Variants in TRIP4 observed in about 807,000 individuals in gnomAD.
The protein encoded by TRIP4 is thyroid hormone receptor interactor 4.
A neutral mutation model predicts 81.8 loss-of-function variants in TRIP4; 54 were observed. That is an observed-to-expected ratio of 0.66 (90% CI 0.53 to 0.83). The LOEUF (loss-of-function observed/expected upper bound fraction) is 0.83, where lower values mean the gene tolerates loss of function less well. Among genes scored for constraint, TRIP4 ranks in the 40% least tolerant of loss-of-function variants. The pLI is 0.00. For missense variants in TRIP4, 662 were observed against 683.6 expected, an observed-to-expected ratio of 0.97 and a Z score of 0.35; for synonymous variants, 270 against 242.8, an observed-to-expected ratio of 1.11 and a Z score of -1.04.
At chr15:64,427,210 A>G (rs973954817) in intron 11 of TRIP4, among the ~76,000 whole-genome samples, 5 of 152,148 alleles carry the variant, frequency 3.3e-5, no homozygotes, top group Non-Finnish European at 7.3e-5. Flanking sequence ...CTGTTCTTTG[A>G]ACAGTTGCTT....
chr15:64,397,523 T>C (rs1327863931), intron 3 of TRIP4, 83 bp from the exon 4 acceptor site: 1 of 1,366,786 alleles, frequency 7.3e-7, no homozygotes, highest in Non-Finnish European at 1.0e-6. Context: ...AAGTTGTTAC[T>C]GAACAGAACG....
chr15:64,444,972 A>T (rs755549830), intron 11 of TRIP4, 34 bp from the exon 12 acceptor site: 25 of 1,199,578 alleles, frequency 2.1e-5, no homozygotes, highest in Non-Finnish European at 3.0e-5. Flanking sequence ...GCTTGTCCCA[A>T]CTATCCTGAA....
At chr15:64,406,988 T>C (rs1891637377) in intron 6 of TRIP4, among the ~76,000 whole-genome samples, 1 of 143,082 alleles carries the variant, frequency 7.0e-6, no homozygotes, top group African/African-American at 2.4e-5. Flanking sequence ...GTTTAGCCCA[T>C]TGACTTCTGT....
In TRIP4 at chr15:64,425,556, T is replaced by C. The variant is rs1404922841; in HGVS notation, c.1500T>C (p.Asn500=). The change falls in exon 11 of 13, where the codon AAT becomes AAC. Residue 500 remains asparagine, a synonymous_variant. Coordinates refer to ENST00000261884, the MANE Select transcript of TRIP4 (RefSeq NM_016213.5). ...CTGATTCAGATGTGGAATTTCCTAATGACTATCCGTCAGGTTGTCTTCTGG... is the reference window on the plus strand; with the variant it reads ...CTGATTCAGATGTGGAATTTCCTAACGACTATCCGTCAGGTTGTCTTCTGG... ...LLRGKDVEFP[N]DYPSGCLLGC... is the part of the protein sequence containing the mutation. 4 of 1,610,214 alleles carry C rather than the reference T, an allele frequency of 2.5e-6. No homozygotes were observed. The African/African-American group carries it at 4.0e-5, about 16-fold the overall frequency.
At chr15:64,439,230 A>G (rs1403920223) in intron 11 of TRIP4, among the ~76,000 whole-genome samples, 1 of 152,114 alleles carries the variant, frequency 6.6e-6, no homozygotes, top group Non-Finnish European at 1.5e-5. Flanking sequence ...TATAAATGAG[A>G]ACTGTTTATC....
intron 9 of TRIP4, among the ~76,000 whole-genome samples, chr15:64,419,601 G>A (rs1299841362): frequency 2.6e-5 from 4 of 151,744 alleles, no homozygotes; most frequent in Non-Finnish European, 2.9e-5. Context: ...CTCGTGATCC[G>A]CCCGCCTCGG....
chr15:64,407,773 A>G (rs1246485558), intron 6 of TRIP4, among the ~76,000 whole-genome samples: 1 of 152,000 alleles, frequency 6.6e-6, no homozygotes, highest in Non-Finnish European at 1.5e-5. Context: ...GTATTCATGG[A>G]TACCAGTTTC....
intron 10 of TRIP4, 85 bp downstream of exon 10, chr15:64,424,240 G>T: frequency 6.4e-7 from 1 of 1,569,652 alleles, no homozygotes; most frequent in Non-Finnish European, 8.7e-7. Context: ...TTCTTTCTTT[G>T]GCTTTTTCTT....
At chr15:64,392,878 T>C (rs1472855664) in intron 1 of TRIP4, among the ~76,000 whole-genome samples, 1 of 151,928 alleles carries the variant, frequency 6.6e-6, no homozygotes, top group Non-Finnish European at 1.5e-5. Context: ...GCCTCCCAAA[T>C]TGTTGGGATT....
chr15:64,393,521 T>C (rs1900197233), intron 1 of TRIP4: 1 of 152,104 alleles, frequency 6.6e-6, no homozygotes, highest in African/African-American at 2.4e-5. Context: ...AGATGTTCAC[T>C]GTAGAAAACT....
chr15:64,393,115 A>G (rs1209758373), intron 1 of TRIP4, among the ~76,000 whole-genome samples: 1 of 151,700 alleles, frequency 6.6e-6, no homozygotes, highest in Non-Finnish European at 1.5e-5. Flanking sequence ...TGTCTGAATT[A>G]CAGTTTCTGT....
chr15:64,425,101 G>A (rs1404532683), intron 10 of TRIP4, among the ~76,000 whole-genome samples: 4 of 151,896 alleles, frequency 2.6e-5, no homozygotes, highest in Non-Finnish European at 5.9e-5. Context: ...TATTCCTATT[G>A]ATATGGACTG....
chr15:64,425,552 C>T lies in TRIP4; in HGVS notation c.1496C>T (p.Pro499Leu), dbSNP rs961918402. Residue 499 changes from proline (P) to leucine (L), a missense_variant, in exon 11 of 13, where the codon CCT becomes CTT. By Grantham distance (98) the Pro-to-Leu change is moderately conservative. Transcript: ENST00000261884. Reference protein sequence around the residue: ...RLLRGKDVEFPNDYPSGCLLG... With the variant: ...RLLRGKDVEFLNDYPSGCLLG... ...ATTCCTGATTCAGATGTGGAATTTC[C>T]TAATGACTATCCGTCAGGTTGTCTT... The T allele has an allele frequency of 3.1e-6, 5 of 1,609,436 alleles. No individual in the cohort carries two copies. The highest frequency in any genetic ancestry group is 3.4e-6 in the Non-Finnish European group (4 of 1,178,668).
intron 5 of TRIP4, among the ~76,000 whole-genome samples, chr15:64,405,055 A>G (rs976370014): frequency 2.0e-5 from 3 of 152,048 alleles, no homozygotes; most frequent in African/African-American, 7.2e-5. Context: ...ACAAATTTAC[A>G]ATATGCTGTC....
At chr15:64,400,546 C>T (rs999838791) in intron 4 of TRIP4, among the ~76,000 whole-genome samples, 197 bp from the exon 5 acceptor site, 2 of 147,918 alleles carry the variant, frequency 1.4e-5, no homozygotes, top group Non-Finnish European at 3.0e-5. Context: ...TTGTTTGGGT[C>T]ATAAAAAAGA....
intron 6 of TRIP4, among the ~76,000 whole-genome samples, chr15:64,408,808 T>C (rs990048716): frequency 4.6e-5 from 7 of 152,138 alleles, no homozygotes; most frequent in African/African-American, 1.7e-4. Context: ...AGTATGATCT[T>C]AGAGATAGGC....
chr15:64,414,157 T>C lies in TRIP4; in HGVS notation c.1116T>C (p.Ser372=), dbSNP rs770948919. 9 of 1,614,060 alleles carry C rather than the reference T, an allele frequency of 5.6e-6. No homozygotes were observed. The highest frequency in any genetic ancestry group is 1.6e-4 in the Middle Eastern group (1 of 6,084). ...CACTGACCAAATTGGATAGATCTTC[T>C]GAAGAGCCTTTGGGAGTTCTGGTAA... ...NQPLTKLDRS[S]EEPLGVLVNP... is the part of the protein sequence containing the mutation. The change falls in exon 8 of 13, where the codon TCT becomes TCC. Residue 372 remains serine (S), a synonymous_variant. Coordinates refer to ENST00000261884, the MANE Select transcript of TRIP4 (RefSeq NM_016213.5).
intron 11 of TRIP4, among the ~76,000 whole-genome samples, chr15:64,437,189 G>A (rs1166414928): frequency 6.6e-6 from 1 of 151,842 alleles, no homozygotes; most frequent in African/African-American, 2.4e-5. Flanking sequence ...GGGAGGCTGA[G>A]GTGGGTGGAT....
intron 7 of TRIP4, among the ~76,000 whole-genome samples, 184 bp downstream of exon 7, chr15:64,410,012 T>A (rs1305934528): frequency 6.6e-6 from 1 of 151,846 alleles, no homozygotes; most frequent in African/African-American, 2.4e-5. Context: ...AATTACTGAT[T>A]TTTGTGGTTT....
Sources: gnomAD v4.1 joint callset for allele counts (sites outside exome capture counted in the v4.1 genomes callset) on GRCh38, gnomAD v4.1.1 for gene constraint, MANE v1.5 for transcripts, NCBI Gene and HGNC (gene_info 2026-07-23, HGNC 2026-07-21) for gene names.